Variants in RALA observed in about 807,000 individuals in gnomAD.
RALA encodes RAS like proto-oncogene A.
RALA carries 5 observed loss-of-function variants against 24.0 expected under a neutral mutation model. The ratio of observed to expected loss-of-function variants is 0.21; its 90% CI spans 0.11 to 0.44. The LOEUF is 0.44. Ranked by LOEUF, RALA falls within the 20% of genes least tolerant of loss-of-function variation. RALA has a pLI of 0.99. For synonymous variants in RALA, 77 were observed against 83.8 expected (o/e 0.92, Z 0.44); for missense variants, 95 against 241.2 (o/e 0.39, Z 4.01).
chr7:39,682,624 T>A (rs923650302), intron 1 of RALA, among the ~76,000 whole-genome samples: 1 of 152,224 alleles, frequency 6.6e-6, no homozygotes, highest in African/African-American at 2.4e-5. Flanking sequence ...AAATGTGTCC[T>A]GCAAATTTCA....
intron 1 of RALA, among the ~76,000 whole-genome samples, chr7:39,640,582 G>C (rs994299536): frequency 6.6e-6 from 1 of 152,160 alleles, no homozygotes; most frequent in African/African-American, 2.4e-5. Context: ...CTCTCAGAGA[G>C]TGCTATGTTT....
chr7:39,693,902 A>G (rs1340056807), intron 3 of RALA, among the ~76,000 whole-genome samples: 2 of 152,240 alleles, frequency 1.3e-5, no homozygotes, highest in Non-Finnish European at 2.9e-5. Context: ...TGTGCGGCCT[A>G]TAGTCTATTC....
Position 39,669,761 on chromosome 7 carries a change from G to A in RALA, c.-37-16870G>A, listed in dbSNP as rs1485328441. 2.0e-5 allele frequency among the ~76,000 whole-genome samples: 3 copies of A among 147,984 alleles called. No homozygotes were observed. The Admixed American group carries it at 2.0e-4, about 10-fold the overall frequency. The stretch of plus-strand genomic sequence containing the variant: ...TTTAGGGCTGTAGTGAGGTATAATA[G>A]CACCACTGCACTCCAGCCTGGGTGA... On this transcript the variant is annotated intron_variant, in intron 1 of 4. Transcript: ENST00000005257.
intron 3 of RALA, among the ~76,000 whole-genome samples, chr7:39,693,056 TC>T (rs892805564): frequency 3.3e-5 from 5 of 152,186 alleles, no homozygotes; most frequent in African/African-American, 1.2e-4. Context: ...GACCCAGCGA[TC>T]CCATTACTGG....
chr7:39,668,342 T>C (rs902710795), intron 1 of RALA, among the ~76,000 whole-genome samples: 3 of 152,224 alleles, frequency 2.0e-5, no homozygotes, highest in Non-Finnish European at 2.9e-5. Flanking sequence ...GTCTATCTCA[T>C]GGAAAGTACT....
intron 1 of RALA, among the ~76,000 whole-genome samples, chr7:39,655,115 ATTCT>A (rs775100250): frequency 6.6e-6 from 1 of 152,194 alleles, no homozygotes; most frequent in African/African-American, 2.4e-5. Context: ...TTAAAAAGTG[ATTCT>A]TTCTTTACTG....
intron 1 of RALA, among the ~76,000 whole-genome samples, chr7:39,666,423 T>A (rs1012527145): frequency 1.3e-5 from 2 of 152,218 alleles, no homozygotes; most frequent in Admixed American, 6.5e-5. Flanking sequence ...CAAGATCACC[T>A]GTGGAAGTGA....
At chr7:39,692,504 C>CT (rs1321254518) in intron 3 of RALA, among the ~76,000 whole-genome samples, 1 of 152,142 alleles carries the variant, frequency 6.6e-6, no homozygotes, top group East Asian at 1.9e-4. Flanking sequence ...GCCTCTAAAA[C>CT]TGTATTTAAA....
At chr7:39,654,213 C>A (rs1365585398) in intron 1 of RALA, among the ~76,000 whole-genome samples, 1 of 152,144 alleles carries the variant, frequency 6.6e-6, no homozygotes, top group African/African-American at 2.4e-5. Flanking sequence ...TTGCTTCTTT[C>A]ACCATTGAAT....
chr7:39,704,119 T>C lies in RALA; in HGVS notation c.499-2004T>C, dbSNP rs1457715615. Among the ~76,000 whole-genome samples, 3 of 135,090 alleles carry C rather than the reference T, an allele frequency of 2.2e-5. No individual in the cohort carries two copies. In the Admixed American group the frequency reaches 2.4e-4, roughly 11 times the overall value. 88.6% of individuals were successfully genotyped at this position (135,090 alleles called of 152,430 possible). On this transcript the variant is annotated intron_variant, in intron 4 of 4. Transcript: ENST00000005257. Reference sequence around the variant, plus strand: ...AGGCAGAGGTTGCAGTGAGCTGAGATCACGCCATCCCACTCCAGCCTGGGC... The same window carrying C: ...AGGCAGAGGTTGCAGTGAGCTGAGACCACGCCATCCCACTCCAGCCTGGGC...
At chr7:39,645,767 G>A (rs1256234615) in intron 1 of RALA, among the ~76,000 whole-genome samples, 4 of 152,162 alleles carry the variant, frequency 2.6e-5, no homozygotes, top group African/African-American at 9.7e-5. Flanking sequence ...AGGACGAATA[G>A]GAATTTGATA....
chr7:39,675,397 A>T (rs547882298), intron 1 of RALA, among the ~76,000 whole-genome samples: 2 of 152,316 alleles, frequency 1.3e-5, no homozygotes, highest in South Asian at 2.1e-4. Context: ...CAGGTTAGAG[A>T]TGCTCAACCT....
rs147658584 is a variant in RALA at position 39,656,605 on chromosome 7, G to A, written c.-37-30026G>A. 2.0e-3 allele frequency among the ~76,000 whole-genome samples: 298 copies of A among 152,334 alleles called. 2 individuals carry two copies. Among genetic ancestry groups the A allele is most frequent in the African/African-American group, 3.7e-3 (152 of 41,570 alleles). ...GCACCTGTTACTGTGCAACAAGACC[G>A]TGTTTTTGAACACCTGGCATAACAT... On this transcript the variant is annotated intron_variant, in intron 1 of 4. Transcript: ENST00000005257.
intron 1 of RALA, among the ~76,000 whole-genome samples, chr7:39,640,424 A>AC (rs1791792446): frequency 6.6e-6 from 1 of 152,212 alleles, no homozygotes; most frequent in Non-Finnish European, 1.5e-5. Context: ...TTAGCCATTC[A>AC]CATATCTTCT....
intron 1 of RALA, among the ~76,000 whole-genome samples, chr7:39,642,852 T>G (rs1192901120): frequency 6.6e-6 from 1 of 152,246 alleles, no homozygotes; most frequent in Non-Finnish European, 1.5e-5. Context: ...GGAAGCTGGC[T>G]GTCGTAAAAC....
intron 3 of RALA, among the ~76,000 whole-genome samples, chr7:39,692,107 T>C (rs1418075874): frequency 1.3e-5 from 2 of 152,180 alleles, no homozygotes; most frequent in African/African-American, 4.8e-5. Context: ...AAAGGCTTTT[T>C]TGAAAAGGTC....
intron 2 of RALA, among the ~76,000 whole-genome samples, chr7:39,689,546 A>C (rs930644022): frequency 6.6e-6 from 1 of 152,236 alleles, no homozygotes. Flanking sequence ...AGAATGTATC[A>C]GATAATGAAA....
At chr7:39,684,607 A>G (rs1213234926) in intron 1 of RALA, among the ~76,000 whole-genome samples, 1 of 151,900 alleles carries the variant, frequency 6.6e-6, no homozygotes, top group African/African-American at 2.4e-5. Flanking sequence ...TTACACCGGT[A>G]CAACCTAAAA....
intron 1 of RALA, among the ~76,000 whole-genome samples, chr7:39,628,741 G>A (rs34018257): frequency 2.0e-5 from 3 of 151,968 alleles, no homozygotes; most frequent in Admixed American, 2.0e-4. Flanking sequence ...ATTTTTAGTA[G>A]AGACGGGGTT....
Sources: gnomAD v4.1 joint callset for allele counts (sites outside exome capture counted in the v4.1 genomes callset) on GRCh38, gnomAD v4.1.1 for gene constraint, MANE v1.5 for transcripts, NCBI Gene and HGNC (gene_info 2026-07-23, HGNC 2026-07-21) for gene names.